Variants in ELMO1 observed in about 807,000 individuals in gnomAD.
The protein encoded by ELMO1 is engulfment and cell motility protein 1.
Under a neutral mutation model 98.9 loss-of-function variants are expected in ELMO1, and 26 were observed. The ratio of observed to expected loss-of-function variants is 0.26; its 90% CI spans 0.19 to 0.36. The LOEUF is 0.36. Ranked by LOEUF, ELMO1 falls within the 10% of genes least tolerant of loss-of-function variation. The probability of loss-of-function intolerance (pLI) is 1.00; values close to 1 mark genes in which losing one functional copy is unlikely to be tolerated. For synonymous variants in ELMO1, 346 were observed against 346.0 expected, an observed-to-expected ratio of 1.00 and a Z score of 0.00; for missense variants, 627 against 935.2, an observed-to-expected ratio of 0.67 and a Z score of 4.30.
chr7:37,028,362 C>T (rs1794695844), intron 15 of ELMO1, among the ~76,000 whole-genome samples: 2 of 152,122 alleles, frequency 1.3e-5, no homozygotes, highest in South Asian at 4.1e-4. Flanking sequence ...CTCCGACCTA[C>T]CATTTTTATG....
At chr7:37,347,138 A>G (rs1435504606) in intron 1 of ELMO1, among the ~76,000 whole-genome samples, 1 of 152,216 alleles carries the variant, frequency 6.6e-6, no homozygotes, top group African/African-American at 2.4e-5. Context: ...TGCAGAATGG[A>G]TAATCTAGTT....
intron 16 of ELMO1, among the ~76,000 whole-genome samples, chr7:36,986,927 T>C (rs1372532260): frequency 1.3e-5 from 2 of 152,068 alleles, no homozygotes; most frequent in Non-Finnish European, 2.9e-5. Flanking sequence ...TACTGCAACT[T>C]TTAACCTAGA....
intron 16 of ELMO1, among the ~76,000 whole-genome samples, chr7:36,915,739 C>T (rs61024483): frequency 0.05 from 7,630 of 152,174 alleles, 425 homozygotes; most frequent in African/African-American, 0.14. Flanking sequence ...TGAGTCACAG[C>T]GAGTGACCTG....
intron 1 of ELMO1, among the ~76,000 whole-genome samples, chr7:37,369,770 T>A (rs181523231): frequency 1.9e-4 from 29 of 151,280 alleles, no homozygotes; most frequent in African/African-American, 7.0e-4. Context: ...ACAAAAAAAT[T>A]TTAATAAAAA....
intron 19 of ELMO1, among the ~76,000 whole-genome samples, chr7:36,876,860 AGGGAGCCAATAATGTGGGCT>A (rs956338963): frequency 1.3e-5 from 2 of 152,234 alleles, no homozygotes; most frequent in Admixed American, 6.5e-5. Flanking sequence ...CCCCTGACTT[AGGGAGCCAATAATGTGGGCT>A]GGGAAGAAAG....
chr7:36,953,729 T>C (rs1211990966), intron 16 of ELMO1, among the ~76,000 whole-genome samples: 1 of 152,120 alleles, frequency 6.6e-6, no homozygotes, highest in African/African-American at 2.4e-5. Flanking sequence ...ATAAAATGAA[T>C]CCATTGAGAA....
chr7:37,197,470 C>T (rs1182267385), intron 13 of ELMO1, among the ~76,000 whole-genome samples: 1 of 152,214 alleles, frequency 6.6e-6, no homozygotes, highest in African/African-American at 2.4e-5. Context: ...CCTCCTCTCC[C>T]GAGGTCACAT....
intron 14 of ELMO1, among the ~76,000 whole-genome samples, chr7:37,100,955 T>C (rs545404009): frequency 6.6e-6 from 1 of 152,250 alleles, no homozygotes; most frequent in Admixed American, 6.5e-5. Context: ...CTGTCGTGCA[T>C]ATCAACTCAC....
chr7:37,275,154 A>C (rs1456138305), intron 4 of ELMO1, among the ~76,000 whole-genome samples: 2 of 152,216 alleles, frequency 1.3e-5, no homozygotes, highest in African/African-American at 4.8e-5. Flanking sequence ...ATTTACCCTC[A>C]GAGGAAGAGT....
chr7:37,438,121 C>T (rs952118112), intron 1 of ELMO1, among the ~76,000 whole-genome samples: 3 of 152,148 alleles, frequency 2.0e-5, no homozygotes, highest in African/African-American at 7.2e-5. Context: ...TCTCCTCTTT[C>T]CCTGCCAACC....
intron 14 of ELMO1, among the ~76,000 whole-genome samples, chr7:37,127,876 G>GTGAATAAAA (rs1786639651): frequency 6.6e-6 from 1 of 152,044 alleles, no homozygotes; most frequent in African/African-American, 2.4e-5. Flanking sequence ...GTAGTTCCCA[G>GTGAATAAAA]TGAATAAAAT....
At chr7:37,374,036 G>C (rs1802224285) in intron 1 of ELMO1, among the ~76,000 whole-genome samples, 1 of 152,136 alleles carries the variant, frequency 6.6e-6, no homozygotes, top group African/African-American at 2.4e-5. Context: ...GTAGGGTGTG[G>C]GCACCATGCA....
intron 13 of ELMO1, among the ~76,000 whole-genome samples, chr7:37,196,606 G>A (rs958930700): frequency 3.9e-5 from 6 of 152,114 alleles, no homozygotes; most frequent in Admixed American, 3.3e-4. Context: ...CCTTGGCATG[G>A]GAGGCTAGAA....
At chr7:37,020,126 T>G (rs1197575101) in intron 15 of ELMO1, among the ~76,000 whole-genome samples, 3 of 152,112 alleles carry the variant, frequency 2.0e-5, no homozygotes, top group African/African-American at 4.8e-5. Context: ...GACCATAACC[T>G]TACAAAGGTC....
intron 17 of ELMO1, among the ~76,000 whole-genome samples, chr7:36,888,778 C>A (rs993081504): frequency 2.0e-5 from 3 of 152,238 alleles, no homozygotes; most frequent in Non-Finnish European, 4.4e-5. Context: ...CATTCATCAG[C>A]TTCCACCTTA....
At chr7:36,952,505 C>T (rs979671496) in intron 16 of ELMO1, among the ~76,000 whole-genome samples, 2 of 152,132 alleles carry the variant, frequency 1.3e-5, no homozygotes, top group Non-Finnish European at 2.9e-5. Flanking sequence ...ACAGAGCAAA[C>T]GTTTGATTAA....
chr7:36,913,846 C>T (rs1458802588), intron 16 of ELMO1, among the ~76,000 whole-genome samples: 1 of 152,192 alleles, frequency 6.6e-6, no homozygotes, highest in East Asian at 1.9e-4. Flanking sequence ...AATCATACAG[C>T]AGTGGGGTAG....
At chr7:37,417,200 C>T (rs10231765) in intron 1 of ELMO1, among the ~76,000 whole-genome samples, 1 of 151,990 alleles carries the variant, frequency 6.6e-6, no homozygotes, top group Non-Finnish European at 1.5e-5. Flanking sequence ...CATGGAAAGG[C>T]GTCCCCTGAG....
intron 2 of ELMO1, among the ~76,000 whole-genome samples, chr7:37,328,383 C>CAAA (rs10669717): frequency 0.022 from 1,424 of 64,404 alleles, 146 homozygotes; most frequent in South Asian, 0.031. Flanking sequence ...GACCCTGCCA[C>CAAA]AAAAAAAAAA....
Sources: gnomAD v4.1 joint callset for allele counts (sites outside exome capture counted in the v4.1 genomes callset) on GRCh38, gnomAD v4.1.1 for gene constraint, MANE v1.5 for transcripts, NCBI Gene and HGNC (gene_info 2026-07-23, HGNC 2026-07-21) for gene names.